Variants in DOCK8 observed in about 807,000 individuals in gnomAD.
DOCK8 encodes dedicator of cytokinesis protein 8.
Under a neutral mutation model 245.6 loss-of-function variants are expected in DOCK8, and 141 were observed. That is an observed-to-expected ratio of 0.57 (90% CI 0.50 to 0.66). The LOEUF is 0.66. DOCK8 is among the 30% of genes least tolerant of loss of function. DOCK8 has a pLI of 0.00. For synonymous variants in DOCK8, 1,168 were observed against 970.2 expected (o/e 1.20, Z -3.79); for missense variants, 2,965 against 2,603.4 (o/e 1.14, Z -3.02).
chr9:268,711 T>TA (rs2048089995), intron 1 of DOCK8, among the ~76,000 whole-genome samples: 1 of 152,200 alleles, frequency 6.6e-6, no homozygotes, highest in South Asian at 2.1e-4. Context: ...GTCTTATCTG[T>TA]AAAAAGGTCA....
chr9:280,932 A>T (rs887239454), intron 2 of DOCK8: 1 of 152,228 alleles, frequency 6.6e-6, no homozygotes, highest in African/African-American at 2.4e-5. Flanking sequence ...GAGCATTTGC[A>T]TTTGCAGTCT....
Position 227,657 on chromosome 9 carries a change from T to C in DOCK8, c.53+12628T>C, listed in dbSNP as rs114235825. Among the ~76,000 whole-genome samples the C allele has an allele frequency of 4.1e-3, 630 of 152,238 alleles. 5 individuals carry two copies. Among genetic ancestry groups the C allele is most frequent in the African/African-American group, 0.014 (598 of 41,536 alleles). The stretch of plus-strand genomic sequence containing the variant: ...CAGATGAACATAAAATACAGAACAT[T>C]TCTATTGGGCGGCTTGAAATACAGG... On this transcript the variant is annotated intron_variant, in intron 1 of 47. Transcript: ENST00000432829.
chr9:408,213 CAGG>C (rs1235604064), intron 28 of DOCK8, among the ~76,000 whole-genome samples: 1 of 152,148 alleles, frequency 6.6e-6, no homozygotes, highest in Non-Finnish European at 1.5e-5. Flanking sequence ...GTGAAGGAAA[CAGG>C]AGGTTCCTGC....
intron 42 of DOCK8, among the ~76,000 whole-genome samples, chr9:442,472 C>G (rs1326963259): frequency 6.6e-6 from 1 of 152,172 alleles, no homozygotes; most frequent in Non-Finnish European, 1.5e-5. Context: ...TGGATGGCAC[C>G]TGGGGTCCTT....
intron 1 of DOCK8, among the ~76,000 whole-genome samples, chr9:256,706 A>C (rs1299450484): frequency 2.0e-5 from 3 of 152,108 alleles, no homozygotes; most frequent in African/African-American, 7.2e-5. Context: ...ATAGTGATAA[A>C]ACACCCTGAG....
At chr9:211,670 G>A (rs2046621685), upstream of DOCK8, among the ~76,000 whole-genome samples, 1 of 152,058 alleles carries the variant, frequency 6.6e-6, no homozygotes, top group African/African-American at 2.4e-5. Context: ...GACACAGGAG[G>A]AAAAAAAGTT....
rs373265488 is a variant in DOCK8, at chr9:418,041, A to C, written c.3701-27A>C. 12 of 1,614,072 alleles carry C rather than the reference A, an allele frequency of 7.4e-6. No homozygotes were observed. The Admixed American group carries it at 8.3e-5, about 11-fold the overall frequency. On this transcript the variant is annotated intron_variant, in intron 29 of 47. Transcript: ENST00000432829. ...ATGGGGAAATGTCATGTTTGACTTG[A>C]CATCACAAACGATGTTTTCATTGCA...
intron 46 of DOCK8, among the ~76,000 whole-genome samples, chr9:454,086 A>G (rs2057551456): frequency 6.6e-6 from 1 of 152,234 alleles, no homozygotes; most frequent in Non-Finnish European, 1.5e-5. Context: ...ATCAGAAAAG[A>G]GAAATCAGTT....
intron 44 of DOCK8, among the ~76,000 whole-genome samples, chr9:448,962 T>C (rs1331896429): frequency 6.6e-6 from 1 of 152,194 alleles, no homozygotes; most frequent in Non-Finnish European, 1.5e-5. Context: ...TCACCCTCAG[T>C]TGGAGAAGGC....
chr9:249,722 A>T (rs2047603046), intron 1 of DOCK8, among the ~76,000 whole-genome samples: 2 of 151,494 alleles, frequency 1.3e-5, no homozygotes, highest in African/African-American at 4.9e-5. Context: ...GGTTCAAGCG[A>T]TTCTCCTGCC....
chr9:284,532 T>C (rs1472646843), intron 2 of DOCK8: 2 of 152,192 alleles, frequency 1.3e-5, no homozygotes, highest in African/African-American at 4.8e-5. Context: ...CCTGTCACCT[T>C]CTCTTCTGCC....
chr9:251,955 G>T (rs745949484), intron 1 of DOCK8, among the ~76,000 whole-genome samples: 1 of 150,146 alleles, frequency 6.7e-6, no homozygotes, highest in Non-Finnish European at 1.5e-5. Context: ...GTGCAGAAGC[G>T]AGAGCAATTG....
At position 444,608 on chromosome 9, in the gene DOCK8, C is replaced by G. The variant is rs115298280; in HGVS notation, c.5580+1092C>G. 4.2e-3 allele frequency among the ~76,000 whole-genome samples: 647 copies of G among 152,282 alleles called. 2 individuals are homozygous for G. The highest frequency in any genetic ancestry group is 0.014 in the African/African-American group (595 of 41,560). ...GCAAATTGAATACAGTCTCCAGCCCCTCTCCTGTCTCCAGAGGTCATCCAG... is the reference window on the plus strand; with the variant it reads ...GCAAATTGAATACAGTCTCCAGCCCGTCTCCTGTCTCCAGAGGTCATCCAG... On this transcript the variant is annotated intron_variant, in intron 43 of 47. Coordinates refer to ENST00000432829, the MANE Select transcript of DOCK8 (RefSeq NM_203447.4).
In DOCK8 at chr9:325,708, G is replaced by T. The variant is rs2050737164; in HGVS notation, c.865G>T (p.Ala289Ser). Residue 289 changes from alanine (A) to serine (S), a missense_variant, in exon 8 of 48, where the codon GCC becomes TCC. Transcript: ENST00000432829. Reference sequence around the variant, plus strand: ...AATTGAGCCCCTGTTTGCCAGCATTGCCCTCTACGATGTTAAAGAAAGGAA... The same window carrying T: ...AATTGAGCCCCTGTTTGCCAGCATTTCCCTCTACGATGTTAAAGAAAGGAA... ...IEIEPLFASIALYDVKERKKI... is the reference protein window; with the variant it reads ...IEIEPLFASISLYDVKERKKI... 1 of 1,614,032 alleles carries T rather than the reference G, an allele frequency of 6.2e-7. No individual in the cohort carries two copies. The highest frequency in any genetic ancestry group is 1.3e-5 in the African/African-American group (1 of 75,016).
At chr9:377,872 C>G (rs538775070) in intron 20 of DOCK8, among the ~76,000 whole-genome samples, 2 of 152,310 alleles carry the variant, frequency 1.3e-5, no homozygotes, top group African/African-American at 4.8e-5. Context: ...TAGAAATAAT[C>G]TCAAAAGCTT....
rs1270414743 is a variant in DOCK8 at position 307,368 on chromosome 9, T to G, written c.528+2664T>G. Among the ~76,000 whole-genome samples the G allele has an allele frequency of 1.6e-3, 183 of 112,514 alleles. 4 individuals are homozygous for G. In the Middle Eastern group the frequency reaches 0.017, roughly 10 times the overall value. 73.8% of individuals were successfully genotyped at this position (112,514 alleles called of 152,430 possible). ...TTTTTTTTTTTTTTTTTTTTTTTTT[T>G]TTTTTTTTGAGATGGAGTTTTGCTC... On this transcript the variant is annotated intron_variant, in intron 5 of 47. Transcript: ENST00000432829.
At chr9:442,834 G>C (rs1346374730) in intron 42 of DOCK8, among the ~76,000 whole-genome samples, 2 of 151,176 alleles carry the variant, frequency 1.3e-5, no homozygotes, top group East Asian at 3.9e-4. Context: ...CCTCCTATGA[G>C]TGTAAAACTT....
intron 2 of DOCK8, among the ~76,000 whole-genome samples, chr9:275,067 T>C (rs2048290024): frequency 1.3e-5 from 2 of 152,244 alleles, no homozygotes; most frequent in Admixed American, 1.3e-4. Context: ...TGTCATTTAT[T>C]AGTCATGTAA....
chr9:412,420 AAG>A (rs2055781303), intron 28 of DOCK8, among the ~76,000 whole-genome samples: 2 of 151,328 alleles, frequency 1.3e-5, no homozygotes, highest in Admixed American at 6.6e-5. Flanking sequence ...AAAAAAAAAA[AAG>A]AAAAAGAAGA....
Sources: allele counts gnomAD v4.1 joint callset (sites outside exome capture counted in the v4.1 genomes callset), GRCh38; gene constraint gnomAD v4.1.1; transcripts MANE v1.5; gene names NCBI Gene and HGNC (gene_info 2026-07-23, HGNC 2026-07-21).